GREM1: variants seen among roughly 807,000 people sequenced by gnomAD.
The protein encoded by GREM1 is gremlin-1.
A neutral mutation model predicts 13.1 loss-of-function variants in GREM1; 6 were observed. The observed-to-expected ratio is 0.46, with a 90% CI of 0.25 to 0.91. The LOEUF (loss-of-function observed/expected upper bound fraction) is 0.91, where lower values mean the gene tolerates loss of function less well. GREM1 is among the 40% of genes least tolerant of loss of function. The pLI is 0.18. For synonymous variants in GREM1, 98 were observed against 93.7 expected, an observed-to-expected ratio of 1.05 and a Z score of -0.27; for missense variants, 185 against 233.9, an observed-to-expected ratio of 0.79 and a Z score of 1.36.
Position 32,744,668 on chromosome 15 carries a change from G to A in GREM1, c.*13423G>A, listed in dbSNP as rs2055791053. The A allele has an allele frequency of 6.6e-6, 1 of 151,106 alleles. No individual in the cohort carries two copies. 9.4% of individuals were successfully genotyped at this position (151,106 alleles called of 1,614,324 possible). On this transcript the variant is annotated 3_prime_UTR_variant, in exon 2 of 2. Transcript: ENST00000651154. The stretch of plus-strand genomic sequence containing the variant: ...CGTCACTTAACTCAAGCAAAACAAT[G>A]TTACTCTCTTTGTACATTGTACAGA...
In GREM1 at chr15:32,728,479, GT is replaced by G. The variant is rs371881352; in HGVS notation, c.-1-2210del. Among the ~76,000 whole-genome samples, 31 of 152,284 alleles carry G rather than the reference GT, an allele frequency of 2.0e-4. 2 individuals carry two copies. Among genetic ancestry groups the G allele is most frequent in the Middle Eastern group, 3.4e-3 (1 of 294 alleles). Reference sequence around the variant, plus strand: ...GTACTAGGTTAATGTTGGAAAGATGGTGCCATTTAAAGATATCTTAAATTCA... The same window carrying G: ...GTACTAGGTTAATGTTGGAAAGATGGGCCATTTAAAGATATCTTAAATTCA... On this transcript the variant is annotated intron_variant, in intron 1 of 1. Coordinates refer to ENST00000651154, the MANE Select transcript of GREM1 (RefSeq NM_013372.7).
chr15:32,726,803 C>A, intron 1 of GREM1, among the ~76,000 whole-genome samples: 1 of 148,950 alleles, frequency 6.7e-6, no homozygotes, highest in African/African-American at 2.5e-5. Flanking sequence ...ACAATAGACA[C>A]AATAAAAAGT....
intron 1 of GREM1, chr15:32,718,868 C>T (rs1437140536): frequency 1.8e-5 from 4 of 217,022 alleles, no homozygotes; most frequent in Non-Finnish European, 3.8e-5. Flanking sequence ...GGACCGGCCA[C>T]GCACTCGCGG....
In GREM1 at chr15:32,731,274, T is replaced by C; in HGVS notation, c.*29T>C. ...AAATCCAGGTGCACCCAGCATGTCC[T>C]AGGAATGCAGCCCCAGGAAGTCCCA... On this transcript the variant is annotated 3_prime_UTR_variant, in exon 2 of 2. Transcript: ENST00000651154. 1.3e-6 allele frequency: 2 copies of C among 1,568,382 alleles called. No homozygotes were observed. Among genetic ancestry groups the C allele is most frequent in the Middle Eastern group, 1.7e-4 (1 of 5,908 alleles).
At position 32,718,097 on chromosome 15, in the gene GREM1, G is replaced by A. The variant is rs2055325216; in HGVS notation, c.-66G>A. On this transcript the variant is annotated 5_prime_UTR_variant, in exon 1 of 2. Transcript: ENST00000651154. ...CCCCGCGCCGAGCCCCGGCGGCTCT[G>A]GCCGCGGCCGCACTCAGCGCCACGC... The A allele has an allele frequency of 1.5e-5, 19 of 1,239,010 alleles. No individual in the cohort carries two copies. Among genetic ancestry groups the A allele is most frequent in the Non-Finnish European group, 1.9e-5 (19 of 975,994 alleles). The allele number at this position is 1,239,010 out of a possible 1,614,324, so 76.8% of individuals were successfully genotyped here. A position where few individuals can be genotyped will look rare whatever the true frequency, so the allele number is the denominator to read the frequency against.
rs1345683518 is a variant in GREM1 at position 32,730,787 on chromosome 15, A to T, written c.97A>T (p.Ile33Phe). 1 of 1,613,592 alleles carries T rather than the reference A, an allele frequency of 6.2e-7. No homozygotes were observed. Among genetic ancestry groups the T allele is most frequent in the Non-Finnish European group, 8.5e-7 (1 of 1,179,976 alleles). Reference protein sequence around the residue: ...EGKKKGSQGAIPPPDKAQHND... With the variant: ...EGKKKGSQGAFPPPDKAQHND... Reference sequence around the variant, plus strand: ...GAAAAAGAAAGGGTCCCAAGGTGCCATCCCCCCGCCAGACAAGGCCCAGCA... The same window carrying T: ...GAAAAAGAAAGGGTCCCAAGGTGCCTTCCCCCCGCCAGACAAGGCCCAGCA... The change falls in exon 2 of 2, where the codon ATC (isoleucine) becomes TTC (phenylalanine). Residue 33 changes from isoleucine (I) to phenylalanine (F), a missense_variant. By Grantham distance (21) the Ile-to-Phe change is conservative. Coordinates refer to ENST00000651154, the MANE Select transcript of GREM1 (RefSeq NM_013372.7).
rs2055785210 is a variant in GREM1 at position 32,744,150 on chromosome 15, G to A, written c.*12905G>A. 6.6e-6 allele frequency: 1 copy of A among 151,920 alleles called. No homozygotes were observed. The highest frequency in any genetic ancestry group is 2.4e-5 in the African/African-American group (1 of 41,312). 9.4% of individuals were successfully genotyped at this position (151,920 alleles called of 1,614,324 possible). A position where few individuals can be genotyped will look rare whatever the true frequency, so the allele number is the denominator to read the frequency against. The stretch of plus-strand genomic sequence containing the variant: ...AATGGAGAAGCACCCAAAAATCTGT[G>A]GCCTTTTTTTTTAATTACACTCTCA... On this transcript the variant is annotated 3_prime_UTR_variant, in exon 2 of 2. Transcript: ENST00000651154.
chr15:32,728,262 A>T (rs950254132), intron 1 of GREM1, among the ~76,000 whole-genome samples: 1 of 152,246 alleles, frequency 6.6e-6, no homozygotes, highest in Admixed American at 6.5e-5. Flanking sequence ...AGTAACAAAA[A>T]CAGCATGGTA....
rs1402152202 is a variant in GREM1 at position 32,738,389 on chromosome 15, G to GA, written c.*7150dup. On this transcript the variant is annotated 3_prime_UTR_variant, in exon 2 of 2. Coordinates refer to ENST00000651154, the MANE Select transcript of GREM1 (RefSeq NM_013372.7). The stretch of plus-strand genomic sequence containing the variant: ...AGTATCAAAAAGAATAAAATACATA[G>GA]AAAAAATGTAACAGGAAGTGCAAGA... 3.3e-5 allele frequency: 5 copies of GA among 151,582 alleles called. No homozygotes were observed. The highest frequency in any genetic ancestry group is 4.8e-5 in the African/African-American group (2 of 41,260). The allele number at this position is 151,582 out of a possible 1,614,324, so 9.4% of individuals were successfully genotyped here.
At chr15:32,722,351 C>G (rs2055421803) in intron 1 of GREM1, among the ~76,000 whole-genome samples, 1 of 152,190 alleles carries the variant, frequency 6.6e-6, no homozygotes, top group Admixed American at 6.5e-5. Context: ...AAGCTTGATT[C>G]ATCAGGAGGA....
Position 32,734,734 on chromosome 15 carries a change from T to TA in GREM1, c.*3489_*3490insA, listed in dbSNP as rs2055674889. The TA allele has an allele frequency of 4.8e-6, 1 of 207,274 alleles. No individual in the cohort carries two copies. The highest frequency in any genetic ancestry group is 9.9e-6 in the Non-Finnish European group (1 of 100,530). 12.8% of individuals were successfully genotyped at this position (207,274 alleles called of 1,614,324 possible). ...CAGAGGTGGAGCAGGGATGCACTTA[T>TA]CATGGGAAGGGAGGTAGAAAAGAGA... On this transcript the variant is annotated 3_prime_UTR_variant, in exon 2 of 2. Transcript: ENST00000651154.
In GREM1 at chr15:32,741,585, G is replaced by A. The variant is rs993942200; in HGVS notation, c.*10340G>A. 1.3e-5 allele frequency: 2 copies of A among 151,938 alleles called. No homozygotes were observed. Among genetic ancestry groups the A allele is most frequent in the African/African-American group, 2.4e-5 (1 of 41,394 alleles). The allele number at this position is 151,938 out of a possible 1,614,324, so 9.4% of individuals were successfully genotyped here. ...ACAGTTTTTTGATGGAGTCTTTAGG[G>A]TTTTCTATGTATAAGATTATGTCAT... On this transcript the variant is annotated 3_prime_UTR_variant, in exon 2 of 2. Coordinates refer to ENST00000651154, the MANE Select transcript of GREM1 (RefSeq NM_013372.7).
intron 1 of GREM1, among the ~76,000 whole-genome samples, chr15:32,729,642 C>T (rs1035571235): frequency 2.6e-5 from 4 of 152,200 alleles, no homozygotes; most frequent in African/African-American, 9.7e-5. Context: ...CATATCACTG[C>T]CCTTTCAGAC....
chr15:32,720,585 G>T (rs965522328), intron 1 of GREM1, among the ~76,000 whole-genome samples: 5 of 152,164 alleles, frequency 3.3e-5, no homozygotes, highest in African/African-American at 4.8e-5. Flanking sequence ...TCAGGCAAGT[G>T]CTACCAGCCC....
intron 1 of GREM1, among the ~76,000 whole-genome samples, chr15:32,720,397 A>T (rs1384160593): frequency 1.3e-5 from 2 of 152,166 alleles, no homozygotes; most frequent in African/African-American, 2.4e-5. Context: ...AATGCAAAGA[A>T]ATTTCATGCC....
chr15:32,733,622 T>C lies in GREM1; in HGVS notation c.*2377T>C. Reference sequence around the variant, plus strand: ...ATCTGTTCTTCTTACTGTGCCTATATTAAGACTAGTACAAATGTGGTGTGT... The same window carrying C: ...ATCTGTTCTTCTTACTGTGCCTATACTAAGACTAGTACAAATGTGGTGTGT... On this transcript the variant is annotated 3_prime_UTR_variant, in exon 2 of 2. Transcript: ENST00000651154. 1 of 228,780 alleles carries C rather than the reference T, an allele frequency of 4.4e-6. No individual in the cohort carries two copies. Among genetic ancestry groups the C allele is most frequent in the Non-Finnish European group, 9.4e-6 (1 of 105,946 alleles). The allele number at this position is 228,780 out of a possible 1,614,324, so 14.2% of individuals were successfully genotyped here. A position where few individuals can be genotyped will look rare whatever the true frequency, so the allele number is the denominator to read the frequency against.
chr15:32,722,661 G>A (rs2055427548), intron 1 of GREM1, among the ~76,000 whole-genome samples: 1 of 152,166 alleles, frequency 6.6e-6, no homozygotes. Flanking sequence ...GGCTTACCTT[G>A]CTTGTAGATG....
At chr15:32,730,022 C>G (rs2055587749) in intron 1 of GREM1, among the ~76,000 whole-genome samples, 1 of 152,206 alleles carries the variant, frequency 6.6e-6, no homozygotes, top group Admixed American at 6.5e-5. Context: ...TGGATCTGAA[C>G]AGCGTACCTG....
At position 32,733,494 on chromosome 15, in the gene GREM1, G is replaced by A. The variant is rs1384933307; in HGVS notation, c.*2249G>A. 1 of 231,942 alleles carries A rather than the reference G, an allele frequency of 4.3e-6. No homozygotes were observed. The highest frequency in any genetic ancestry group is 9.3e-6 in the Non-Finnish European group (1 of 107,928). The allele number at this position is 231,942 out of a possible 1,614,324, so 14.4% of individuals were successfully genotyped here. A position where few individuals can be genotyped will look rare whatever the true frequency, so the allele number is the denominator to read the frequency against. ...TTGTACCACAGTCTTGCACATAAGT[G>A]CAGATTTGGCTCAAGTAAAGAGAAT... On this transcript the variant is annotated 3_prime_UTR_variant, in exon 2 of 2. Coordinates refer to ENST00000651154, the MANE Select transcript of GREM1 (RefSeq NM_013372.7).
Sources: allele counts gnomAD v4.1 joint callset (sites outside exome capture counted in the v4.1 genomes callset), GRCh38; gene constraint gnomAD v4.1.1; transcripts MANE v1.5; gene names NCBI Gene and HGNC (gene_info 2026-07-23, HGNC 2026-07-21).